Variants in ZNF768 observed in about 807,000 individuals in gnomAD.
The protein encoded by ZNF768 is zinc finger protein 768.
In ZNF768, 12 loss-of-function variants were observed where a neutral mutation model predicts 39.7. That is an observed-to-expected ratio of 0.30 (90% CI 0.19 to 0.49). The LOEUF (loss-of-function observed/expected upper bound fraction) is 0.49, where lower values mean the gene tolerates loss of function less well. Among genes scored for constraint, ZNF768 ranks in the 20% least tolerant of loss-of-function variants. The pLI, the probability that ZNF768 is intolerant of heterozygous loss-of-function variation, is 0.99. For synonymous variants in ZNF768, 360 were observed against 288.4 expected (o/e 1.25, Z -2.52); for missense variants, 613 against 723.2 (o/e 0.85, Z 1.75).
upstream of ZNF768, among the ~76,000 whole-genome samples, chr16:30,529,015 C>T (rs188369342): frequency 5.3e-5 from 8 of 152,368 alleles, no homozygotes; most frequent in Non-Finnish European, 1.0e-4. Flanking sequence ...GCCAAGACTT[C>T]ATGCTGCCCA....
chr16:30,526,548 C>G lies in ZNF768; in HGVS notation c.-135G>C, dbSNP rs573176817. 3.7e-6 allele frequency: 4 copies of G among 1,075,826 alleles called. No individual in the cohort carries two copies. The highest frequency in any genetic ancestry group is 1.3e-4 in the East Asian group (2 of 15,032). The allele number at this position is 1,075,826 out of a possible 1,614,324, so 66.6% of individuals were successfully genotyped here. On this transcript the variant is annotated 5_prime_UTR_variant, in exon 1 of 2. Transcript: ENST00000380412. ...AGGGGACTCGGCGGCCCAGCCCGGG[C>G]CCCCGAGGCCGGACGTCTTGACCCC...
upstream of ZNF768, chr16:30,530,400 C>T (rs928314522): frequency 6.6e-6 from 1 of 152,178 alleles, no homozygotes; most frequent in Non-Finnish European, 1.5e-5. The surrounding 1 kb of genome is among the most constrained non-coding windows in gnomAD (Gnocchi z 4.4). Flanking sequence ...AATTGGCAAA[C>T]TCAGGGCCAA....
At position 30,524,802 on chromosome 16, in the gene ZNF768, G is replaced by A. The variant is rs1197603675; in HGVS notation, c.1338C>T (p.Ile446=). 6.2e-7 allele frequency: 1 copy of A among 1,610,946 alleles called. No individual in the cohort carries two copies. The highest frequency in any genetic ancestry group is 2.2e-5 in the East Asian group (1 of 44,846). The part of the protein sequence containing the change: ...KRFGQSSVLA[I]HARTHLPGRT... ...GGCCTGGCAGGTGGGTGCGGGCGTG[G>A]ATGGCCAGCACCGAGCTCTGGCCAA... Residue 446 remains isoleucine, a synonymous_variant, in exon 2 of 2, where the codon ATC becomes ATT. Coordinates refer to ENST00000380412, the MANE Select transcript of ZNF768 (RefSeq NM_024671.4).
chr16:30,526,052 C>T lies in ZNF768; in HGVS notation c.89-1G>A. 1 of 1,497,046 alleles carries T rather than the reference C, an allele frequency of 6.7e-7. No individual in the cohort carries two copies. The highest frequency in any genetic ancestry group is 8.9e-7 in the Non-Finnish European group (1 of 1,126,406). 92.7% of individuals were successfully genotyped at this position (1,497,046 alleles called of 1,614,324 possible). On this transcript the variant is annotated splice_acceptor_variant, in intron 1 of 1. Coordinates refer to ENST00000380412, the MANE Select transcript of ZNF768 (RefSeq NM_024671.4). LOFTEE classifies it high-confidence loss of function. The stretch of plus-strand genomic sequence containing the variant: ...TCTTCCTCATTCTCACTCATGTTGC[C>T]TGCAGGATGAGAGAATCCAGATCGT...
chr16:30,526,257 C>G (rs1210446524), intron 1 of ZNF768, 69 bp downstream of exon 1: 2 of 1,592,990 alleles, frequency 1.3e-6, no homozygotes, highest in Admixed American at 1.7e-5. Context: ...GGCCCTCGCT[C>G]CCTCCCTGGA....
chr16:30,530,617 C>T (rs909125085), upstream of ZNF768: 2 of 152,114 alleles, frequency 1.3e-5, no homozygotes, highest in Non-Finnish European at 2.9e-5. The surrounding 1 kb of genome is among the most constrained non-coding windows in gnomAD (Gnocchi z 4.4). Context: ...CCCAGAAAAG[C>T]TGAGGGAGAG....
rs2051324063 is a variant in ZNF768, at chr16:30,526,378, G to C, written c.36C>G (p.Pro12=). The C allele has an allele frequency of 6.2e-7, 1 of 1,601,322 alleles. No individual in the cohort carries two copies. The highest frequency in any genetic ancestry group is 1.4e-5 in the African/African-American group (1 of 73,686). Residue 12 remains proline (P), a synonymous_variant, in exon 1 of 2, where the codon CCC becomes CCG. Coordinates refer to ENST00000380412, the MANE Select transcript of ZNF768 (RefSeq NM_024671.4). The part of the protein sequence containing the change: ...EREALPWGLE[P]QDVQSSDEMR... ...TTTCGTCAGAACTCTGCACATCCTG[G>C]GGCTCGAGGCCCCACGGCAACGCCT...
chr16:30,531,803 T>C (rs1476523122), upstream of ZNF768: 1 of 150,480 alleles, frequency 6.6e-6, no homozygotes, highest in Admixed American at 6.6e-5. Context: ...AGTAAATAAA[T>C]AAACAAAAAA....
chr16:30,526,721 C>G, upstream of ZNF768: 1 of 797,804 alleles, frequency 1.3e-6, no homozygotes, highest in Non-Finnish European at 1.5e-6. Flanking sequence ...CCCCGGCCCC[C>G]GCTCCCGCCC....
At chr16:30,526,688 G>A (rs1478562169), upstream of ZNF768, 3 of 935,556 alleles carry the variant, frequency 3.2e-6, no homozygotes, top group East Asian at 2.3e-4. Flanking sequence ...GGGGATGAGG[G>A]GCTTCGCGAC....
chr16:30,529,854 C>T (rs935335097), upstream of ZNF768, among the ~76,000 whole-genome samples: 5 of 141,910 alleles, frequency 3.5e-5, no homozygotes, highest in African/African-American at 1.1e-4. Flanking sequence ...GACAGAGTCT[C>T]GCTCTGTCAC....
chr16:30,528,634 A>G (rs550917422), upstream of ZNF768, among the ~76,000 whole-genome samples: 2 of 152,342 alleles, frequency 1.3e-5, no homozygotes, highest in African/African-American at 4.8e-5. Flanking sequence ...TCTGCCCTCC[A>G]GAGAAACAGC....
upstream of ZNF768, among the ~76,000 whole-genome samples, chr16:30,529,475 C>T (rs972996878): frequency 1.3e-5 from 2 of 152,224 alleles, no homozygotes; most frequent in East Asian, 1.9e-4. Context: ...AGAGGAGCTT[C>T]CGTATGCACT....
chr16:30,527,797 T>C (rs1222045440), upstream of ZNF768: 4 of 151,782 alleles, frequency 2.6e-5, no homozygotes, highest in African/African-American at 9.6e-5. Context: ...TTAGTCCCTG[T>C]TGTTAGATTT....
chr16:30,525,012 G>T lies in ZNF768; in HGVS notation c.1128C>A (p.Thr376=), dbSNP rs144465663. ...THSHERPYSC[T]ECGKCYSQNS... ...TCTGGCTATAGCACTTGCCGCACTCGGTGCAGCTGTAGGGCCGCTCGTGGC... is the reference window on the plus strand; with the variant it reads ...TCTGGCTATAGCACTTGCCGCACTCTGTGCAGCTGTAGGGCCGCTCGTGGC... The change falls in exon 2 of 2, where the codon ACC becomes ACA. Residue 376 remains threonine (T), a synonymous_variant. Coordinates refer to ENST00000380412, the MANE Select transcript of ZNF768 (RefSeq NM_024671.4). 2.5e-6 allele frequency: 4 copies of T among 1,613,974 alleles called. No individual in the cohort carries two copies. The African/African-American group carries it at 5.3e-5, about 22-fold the overall frequency.
At position 30,525,192 on chromosome 16, in the gene ZNF768, G is replaced by A. The variant is rs145451015; in HGVS notation, c.948C>T (p.Pro316=). ...KHQRTHTGER[P]YKCPRCGKAF... ...CCTTGCCGCAACGGGGACATTTGTA[G>A]GGCCGCTCGCCAGTGTGGGTGCGCT... Residue 316 remains proline (P), a synonymous_variant, in exon 2 of 2, where the codon CCC becomes CCT. Coordinates refer to ENST00000380412, the MANE Select transcript of ZNF768 (RefSeq NM_024671.4). 2,049 of 1,614,194 alleles carry A rather than the reference G, an allele frequency of 1.3e-3. 26 individuals carry two copies. In the African/African-American group the frequency reaches 0.024, roughly 19 times the overall value.
chr16:30,532,260 A>T, the ZNF768 span: 5 of 591,110 alleles, frequency 8.5e-6, no homozygotes, highest in African/African-American at 9.3e-5. Flanking sequence ...CCCTGTATGG[A>T]GGTCTGGGGG....
In ZNF768 at chr16:30,526,447, T is replaced by C. The variant is rs759911207; in HGVS notation, c.-34A>G. 4 of 1,518,748 alleles carry C rather than the reference T, an allele frequency of 2.6e-6. No individual in the cohort carries two copies. Among genetic ancestry groups the C allele is most frequent in the African/African-American group, 2.9e-5 (2 of 69,454 alleles). The allele number at this position is 1,518,748 out of a possible 1,614,324, so 94.1% of individuals were successfully genotyped here. A position where few individuals can be genotyped will look rare whatever the true frequency, so the allele number is the denominator to read the frequency against. ...GCTCCCAGTGCAGCGGCGGCGGCGA[T>C]GGCGGCCGATCCCGCGACCCGGCCT... On this transcript the variant is annotated 5_prime_UTR_variant, in exon 1 of 2. Coordinates refer to ENST00000380412, the MANE Select transcript of ZNF768 (RefSeq NM_024671.4).
In ZNF768 at chr16:30,525,362, G is replaced by T. The variant is rs756242157; in HGVS notation, c.778C>A (p.Pro260Thr). The T allele has an allele frequency of 4.5e-5, 73 of 1,614,116 alleles. No homozygotes were observed. In the South Asian group the frequency reaches 7.6e-4, roughly 17 times the overall value. ...GRARGGQGPRPNICGICGKSF... is the reference protein window; with the variant it reads ...GRARGGQGPRTNICGICGKSF... The stretch of plus-strand genomic sequence containing the variant: ...TTCCCGCAGATGCCACAGATGTTAG[G>T]CCGAGGGCCCTGCCCACCCCTGGCC... Residue 260 changes from proline (P) to threonine (T), a missense_variant, in exon 2 of 2, where the codon CCT becomes ACT. Coordinates refer to ENST00000380412, the MANE Select transcript of ZNF768 (RefSeq NM_024671.4).
Sources: allele counts gnomAD v4.1 joint callset (sites outside exome capture counted in the v4.1 genomes callset), GRCh38; gene constraint gnomAD v4.1.1; non-coding constraint Gnocchi (gnomAD v3.1); transcripts MANE v1.5; gene names NCBI Gene and HGNC (gene_info 2026-07-23, HGNC 2026-07-21).